PVRIG: variants seen among roughly 807,000 people sequenced by gnomAD.
The protein encoded by PVRIG is transmembrane protein PVRIG.
In PVRIG, 16 loss-of-function variants were observed where a neutral mutation model predicts 21.9. The ratio of observed to expected loss-of-function variants is 0.73; its 90% CI spans 0.50 to 1.11. The LOEUF is 1.11. PVRIG is among the 50% of genes most tolerant of loss of function. The probability of loss-of-function intolerance (pLI) is 0.00; values close to 1 mark genes in which losing one functional copy is unlikely to be tolerated. For missense variants in PVRIG, 435 were observed against 445.7 expected (o/e 0.98, Z 0.22); for synonymous variants, 190 against 181.0 (o/e 1.05, Z -0.40).
At chr7:100,220,148 G>A (rs1341593959) in exon 3 of PVRIG, 66 of 1,598,672 alleles carry the variant, frequency 4.1e-5, no homozygotes, top group Non-Finnish European at 5.2e-5. Flanking sequence ...TTCGGATGGA[G>A]GCCACCGAGC....
Position 100,221,038 on chromosome 7 carries a change from G to A in PVRIG, c.768G>A (p.Trp256Ter). 6.2e-7 allele frequency: 1 copy of A among 1,613,412 alleles called. No homozygotes were observed. The highest frequency in any genetic ancestry group is 8.5e-7 in the Non-Finnish European group (1 of 1,179,594). ...CTCACCCCCATGGGGGGCCGTCCTG[G>A]TGGGCGTCACTCCCCACCCACGCTG... The change falls in exon 6 of 6, where the codon TGG becomes TGA. Residue 256 changes from tryptophan to a stop codon, truncating the protein, a stop_gained. Transcript: ENST00000317271. LOFTEE classifies it low-confidence loss of function (END_TRUNC).
At chr7:100,219,785 T>C (rs1803083853) in exon 2 of PVRIG, 1 of 766,766 alleles carries the variant, frequency 1.3e-6, no homozygotes, top group African/African-American at 1.7e-5. Flanking sequence ...CCTTGGGGAC[T>C]GAGCAGGCCC....
rs758616584 is a variant in PVRIG at position 100,220,590 on chromosome 7, C to G, written c.513C>G (p.Asp171Glu). ...CTCCTGCCCCCATTCTGCGGGCAGA[C>G]CTGGCCGGGATCTTGGGGGTCTCAG... Residue 171 changes from aspartate to glutamate, a missense_variant, in exon 4 of 6, where the codon GAC becomes GAG. By Grantham distance (45) the Asp-to-Glu change is conservative. Coordinates refer to ENST00000317271, the Ensembl canonical transcript of PVRIG. The G allele has an allele frequency of 1.9e-6, 3 of 1,611,934 alleles. No individual in the cohort carries two copies. The Admixed American group carries it at 5.0e-5, about 27-fold the overall frequency.
chr7:100,221,086 C>T (rs374668368), exon 6 of PVRIG: 31 of 1,613,892 alleles, frequency 1.9e-5, no homozygotes, highest in African/African-American at 5.3e-5. Flanking sequence ...AGGGCCCTGC[C>T]GCCTGGGCCT....
At chr7:100,220,971 C>A (rs1803205677) in exon 6 of PVRIG, 5 of 1,593,782 alleles carry the variant, frequency 3.1e-6, no homozygotes, top group Non-Finnish European at 4.3e-6. Context: ...GTCCCTTATG[C>A]CACTATCAAC....
Position 100,219,937 on chromosome 7 carries a change from C to T in PVRIG, c.27C>T (p.Ala9=). The T allele has an allele frequency of 2.6e-6, 4 of 1,550,678 alleles. No homozygotes were observed. Among genetic ancestry groups the T allele is most frequent in the South Asian group, 1.2e-5 (1 of 84,052 alleles). The stretch of plus-strand genomic sequence containing the variant: ...TGAGAACAGAGGCACAGGTGCCGGC[C>T]CTGCAGCCCCCAGAACCTGGACTGG... The change falls in exon 2 of 6, where the codon GCC becomes GCT. Residue 9 remains alanine, a synonymous_variant. Transcript: ENST00000317271.
In PVRIG at chr7:100,220,685, T is replaced by G. The variant is rs201887266; in HGVS notation, c.596+12T>G. ...CGACATAAGCACCGGTGAGACCTGG[T>G]CCCTGTCCACGTCCCCCTGACACTG... On this transcript the variant is annotated intron_variant, in intron 4 of 5. Transcript: ENST00000317271. 1.7e-5 allele frequency: 27 copies of G among 1,610,206 alleles called. No individual in the cohort carries two copies. In the African/African-American group the frequency reaches 2.3e-4, roughly 14 times the overall value.
At chr7:100,220,144 T>A in exon 3 of PVRIG, 1 of 1,599,170 alleles carries the variant, frequency 6.3e-7, no homozygotes, top group Non-Finnish European at 8.5e-7. Context: ...CAAGTTCGGA[T>A]GGAGGCCACC....
Position 100,220,922 on chromosome 7 carries a change from G to A in PVRIG, c.658-6G>A, listed in dbSNP as rs200158909. The stretch of plus-strand genomic sequence containing the variant: ...AGACTCACTTGACCCTCCTTCCCCC[G>A]CGCAGGCACCAAGCCAGGCCTCCCA... On this transcript the variant is annotated splice_polypyrimidine_tract_variant and splice_region_variant and intron_variant, in intron 5 of 5. Coordinates refer to ENST00000317271, the Ensembl canonical transcript of PVRIG. 89 of 1,575,782 alleles carry A rather than the reference G, an allele frequency of 5.6e-5. No individual in the cohort carries two copies. Among genetic ancestry groups the A allele is most frequent in the East Asian group, 1.8e-4 (8 of 44,446 alleles).
chr7:100,221,025 G>A, exon 6 of PVRIG: 1 of 1,612,546 alleles, frequency 6.2e-7, no homozygotes, highest in Non-Finnish European at 8.5e-7. Flanking sequence ...CACCCCCATG[G>A]GGGGCCGTCC....
chr7:100,220,197 G>C (rs1803130775), exon 3 of PVRIG: 1 of 1,597,642 alleles, frequency 6.3e-7, no homozygotes, highest in Admixed American at 1.7e-5. Flanking sequence ...CCTGGGGTCT[G>C]GCTCCATCTC....
exon 5 of PVRIG, chr7:100,220,779 C>T: frequency 3.1e-6 from 5 of 1,605,748 alleles, no homozygotes; most frequent in Non-Finnish European, 4.2e-6. Flanking sequence ...TAGGCTCCAG[C>T]CGTCCCGCAC....
At chr7:100,220,049 G>C in intron 2 of PVRIG, 21 bp downstream of exon 1, 1 of 1,604,690 alleles carries the variant, frequency 6.2e-7, no homozygotes, top group African/African-American at 1.3e-5. Flanking sequence ...GCACCAGAGA[G>C]GGGCAGGGGC....
At position 100,220,038 on chromosome 7, in the gene PVRIG, G is replaced by A. The variant is rs773168650; in HGVS notation, c.118+10G>A. ...TTGTGTGTCACTGCGGGTGAGTGCC[G>A]GCACCAGAGAGGGGCAGGGGCTGCA... On this transcript the variant is annotated intron_variant, in intron 2 of 5. Transcript: ENST00000317271. 2.9e-5 allele frequency: 46 copies of A among 1,604,214 alleles called. No homozygotes were observed. The highest frequency in any genetic ancestry group is 8.0e-5 in the African/African-American group (6 of 74,754).
chr7:100,221,186 G>A (rs375876016), exon 6 of PVRIG: 13 of 1,610,864 alleles, frequency 8.1e-6, no homozygotes, highest in Admixed American at 3.3e-5. Flanking sequence ...CACTGGTCCC[G>A]GCCTCACTCT....
At chr7:100,220,618 G>C in exon 4 of PVRIG, 1 of 1,611,830 alleles carries the variant, frequency 6.2e-7, no homozygotes, top group South Asian at 1.1e-5. Flanking sequence ...GGTCTCAGGA[G>C]TCCTCCTCTT....
chr7:100,219,930 T>A lies in PVRIG; in HGVS notation c.20T>A (p.Val7Glu). Residue 7 changes from valine to glutamate, a missense_variant, in exon 2 of 6, where the codon GTG (valine) becomes GAG (glutamate). Val to Glu is a moderately radical substitution (Grantham distance 121). Transcript: ENST00000317271. ...CCTGCGATGAGAACAGAGGCACAGG[T>A]GCCGGCCCTGCAGCCCCCAGAACCT... is the stretch of plus-strand genomic sequence containing the variant. The A allele has an allele frequency of 6.5e-7, 1 of 1,549,930 alleles. No homozygotes were observed. The highest frequency in any genetic ancestry group is 8.7e-7 in the Non-Finnish European group (1 of 1,147,068).
exon 4 of PVRIG, chr7:100,220,550 T>G: frequency 1.2e-6 from 2 of 1,611,634 alleles, no homozygotes; most frequent in Non-Finnish European, 1.7e-6. Context: ...TGCCCAGGGC[T>G]CTCTGCCCCG....
exon 3 of PVRIG, chr7:100,220,231 G>A (rs769922323): frequency 1.3e-5 from 21 of 1,586,118 alleles, no homozygotes; most frequent in Non-Finnish European, 1.7e-5. Flanking sequence ...AGCTGGGGGG[G>A]CCCCAACGGT....
Sources: gnomAD v4.1 joint callset for allele counts on GRCh38, gnomAD v4.1.1 for gene constraint, MANE v1.5 for transcripts, NCBI Gene and HGNC (gene_info 2026-07-23, HGNC 2026-07-21) for gene names.